Variants in MLLT10 observed in about 807,000 individuals in gnomAD.
MLLT10 encodes MLLT10 histone lysine methyltransferase DOT1L cofactor.
In MLLT10, 30 loss-of-function variants were observed where a neutral mutation model predicts 129.1. That is an observed-to-expected ratio of 0.23 (90% CI 0.17 to 0.32). MLLT10 has a LOEUF of 0.32. Among genes scored for constraint, MLLT10 ranks in the 10% least tolerant of loss-of-function variants. The pLI, the probability that MLLT10 is intolerant of heterozygous loss-of-function variation, is 1.00. For synonymous variants in MLLT10, 490 were observed against 446.4 expected (o/e 1.10, Z -1.23); for missense variants, 1,119 against 1,268.3 (o/e 0.88, Z 1.79).
intron 3 of MLLT10, among the ~76,000 whole-genome samples, chr10:21,559,429 T>C (rs918914337): frequency 1.3e-5 from 2 of 152,218 alleles, no homozygotes; most frequent in African/African-American, 2.4e-5. Context: ...ATGAACATGG[T>C]AATCTGATTA....
chr10:21,543,020 G>A (rs7911625), intron 3 of MLLT10, among the ~76,000 whole-genome samples: 2,231 of 151,486 alleles, frequency 0.015, 48 homozygotes, highest in African/African-American at 0.05. Flanking sequence ...GTGCAATGGC[G>A]CGATCTCGGC....
intron 13 of MLLT10, among the ~76,000 whole-genome samples, chr10:21,711,502 C>T (rs2056084496): frequency 6.6e-6 from 1 of 150,898 alleles, no homozygotes; most frequent in African/African-American, 2.4e-5. Context: ...GTGGGAGGAC[C>T]ACTTGAGCTC....
rs566453700 is a variant in MLLT10, at chr10:21,644,703, A to G, written c.700-6970A>G. ...GTCCCCCAAGCTGGAGTGCAGTGGC[A>G]TGATCATGGCTCACTGCAGCCTCCA... On this transcript the variant is annotated intron_variant, in intron 8 of 22. Coordinates refer to ENST00000307729, the MANE Select transcript of MLLT10 (RefSeq NM_001195626.3). Among the ~76,000 whole-genome samples the G allele has an allele frequency of 2.6e-5, 4 of 152,220 alleles. No individual in the cohort carries two copies. In the South Asian group the frequency reaches 8.3e-4, roughly 32 times the overall value.
chr10:21,720,440 T>C (rs1054174272), intron 14 of MLLT10, among the ~76,000 whole-genome samples: 3 of 152,238 alleles, frequency 2.0e-5, no homozygotes, highest in Non-Finnish European at 2.9e-5. Context: ...TTAGTAAATA[T>C]AAAGTTTGAA....
At chr10:21,724,223 T>C (rs1489134824) in intron 14 of MLLT10, among the ~76,000 whole-genome samples, 1 of 152,246 alleles carries the variant, frequency 6.6e-6, no homozygotes, top group East Asian at 1.9e-4. Context: ...CACATTAAAG[T>C]GTGAACTATA....
intron 8 of MLLT10, among the ~76,000 whole-genome samples, chr10:21,632,110 TAAAAG>T (rs2047066661): frequency 6.6e-6 from 1 of 152,146 alleles, no homozygotes; most frequent in African/African-American, 2.4e-5. Context: ...AATAACTTGT[TAAAAG>T]AAGATAAAAA....
chr10:21,574,047 C>T (rs570586154), intron 3 of MLLT10, among the ~76,000 whole-genome samples: 2 of 152,150 alleles, frequency 1.3e-5, no homozygotes, highest in African/African-American at 4.8e-5. Flanking sequence ...TCTCTGTTTT[C>T]TGGAAATACT....
At chr10:21,594,081 A>G (rs1304876273) in intron 4 of MLLT10, among the ~76,000 whole-genome samples, 1 of 151,462 alleles carries the variant, frequency 6.6e-6, no homozygotes, top group Non-Finnish European at 1.5e-5. Flanking sequence ...TTTCAGTTTG[A>G]GATGGTCAGA....
At chr10:21,653,784 G>A (rs770289168) in intron 9 of MLLT10, among the ~76,000 whole-genome samples, 4 of 152,194 alleles carry the variant, frequency 2.6e-5, no homozygotes, top group Non-Finnish European at 5.9e-5. Flanking sequence ...TAGCCAGTTG[G>A]ATAACTAGTC....
intron 8 of MLLT10, among the ~76,000 whole-genome samples, chr10:21,621,010 A>G (rs2045760816): frequency 6.7e-6 from 1 of 148,490 alleles, no homozygotes; most frequent in African/African-American, 2.5e-5. Flanking sequence ...CCTGAGACGG[A>G]GTCTTGCTCT....
chr10:21,662,056 T>TGAAATAAA (rs2050265981), intron 9 of MLLT10, among the ~76,000 whole-genome samples: 1 of 152,194 alleles, frequency 6.6e-6, no homozygotes. Context: ...TATTTCACTG[T>TGAAATAAA]CTGCTTGATT....
At chr10:21,534,029 C>T (rs1023599826), upstream of MLLT10, 1 of 160,150 alleles carries the variant, frequency 6.2e-6, no homozygotes, top group Non-Finnish European at 1.4e-5. Context: ...CGCGTGCGCG[C>T]CCCCGCGCCC....
chr10:21,612,326 C>CG, intron 5 of MLLT10, 22 bp from the exon 6 acceptor site: 1 of 1,241,436 alleles, frequency 8.1e-7, no homozygotes, highest in Non-Finnish European at 1.1e-6. Context: ...TGATTTTTGT[C>CG]TTTTTTTTTT....
chr10:21,669,312 TTC>T (rs1330604894), intron 9 of MLLT10, among the ~76,000 whole-genome samples: 3 of 152,204 alleles, frequency 2.0e-5, no homozygotes, highest in African/African-American at 7.2e-5. Flanking sequence ...ACTTAATTTC[TTC>T]TCTTATTCCT....
At chr10:21,534,582 GT>G in intron 1 of MLLT10, 62 bp downstream of exon 1, 1 of 1,534,920 alleles carries the variant, frequency 6.5e-7, no homozygotes, top group Non-Finnish European at 8.8e-7. Flanking sequence ...GGGGGGCTGT[GT>G]GGGGGGGAAG....
At chr10:21,683,296 C>T (rs1452583453) in intron 13 of MLLT10, among the ~76,000 whole-genome samples, 1 of 152,074 alleles carries the variant, frequency 6.6e-6, no homozygotes, top group Non-Finnish European at 1.5e-5. Context: ...CAACCTGTGC[C>T]TGCGGAAGCT....
At chr10:21,734,972 AACAT>A (rs1358334223) in intron 20 of MLLT10, among the ~76,000 whole-genome samples, 163 bp from the exon 21 acceptor site, 4 of 152,166 alleles carry the variant, frequency 2.6e-5, no homozygotes, top group Non-Finnish European at 5.9e-5. Flanking sequence ...GATGTATATA[AACAT>A]ACATATATAT....
intron 8 of MLLT10, among the ~76,000 whole-genome samples, chr10:21,640,678 C>T (rs2047918238): frequency 6.6e-6 from 1 of 152,136 alleles, no homozygotes; most frequent in African/African-American, 2.4e-5. Context: ...TTTCTGTCTT[C>T]TGAGGCTATT....
chr10:21,616,339 AAT>A (rs2045250844), intron 7 of MLLT10, among the ~76,000 whole-genome samples: 1 of 152,062 alleles, frequency 6.6e-6, no homozygotes, highest in African/African-American at 2.4e-5. Context: ...AGTTGGGAAA[AAT>A]ATCTGTTTAA....
Sources: gnomAD v4.1 joint callset for allele counts (sites outside exome capture counted in the v4.1 genomes callset) on GRCh38, gnomAD v4.1.1 for gene constraint, MANE v1.5 for transcripts, NCBI Gene and HGNC (gene_info 2026-07-23, HGNC 2026-07-21) for gene names.